Variants in SLCO1B1 observed in about 807,000 individuals in gnomAD.
The protein encoded by SLCO1B1 is solute carrier organic anion transporter family member 1B1.
In SLCO1B1, 81 loss-of-function variants were observed where a neutral mutation model predicts 70.1. The ratio of observed to expected loss-of-function variants is 1.16; its 90% CI spans 0.97 to 1.39. The LOEUF (loss-of-function observed/expected upper bound fraction) is 1.39, where lower values mean the gene tolerates loss of function less well. Among genes scored for constraint, SLCO1B1 ranks in the 40% most tolerant of loss-of-function variants. The pLI is 0.00. For missense variants in SLCO1B1, 895 were observed against 799.6 expected, an observed-to-expected ratio of 1.12 and a Z score of -1.44; for synonymous variants, 283 against 271.5, an observed-to-expected ratio of 1.04 and a Z score of -0.42.
chr12:21,228,812 G>A (rs1941504743), intron 14 of SLCO1B1, among the ~76,000 whole-genome samples: 1 of 152,012 alleles, frequency 6.6e-6, no homozygotes. Flanking sequence ...CAAGTATTAG[G>A]CTTCTAACTG....
intron 14 of SLCO1B1, among the ~76,000 whole-genome samples, chr12:21,228,009 AATATGCATAT>A (rs778030353): frequency 1.3e-5 from 2 of 152,082 alleles, no homozygotes; most frequent in African/African-American, 2.4e-5. Context: ...ATATATATTT[AATATGCATAT>A]ATATGCATAT....
intron 2 of SLCO1B1, among the ~76,000 whole-genome samples, chr12:21,172,092 G>A (rs58342504): frequency 0.087 from 13,187 of 152,190 alleles, 1,862 homozygotes; most frequent in African/African-American, 0.3. Context: ...ATAAATGTGA[G>A]CTGTAATAGA....
In SLCO1B1 at chr12:21,224,646, A is replaced by G. The variant is rs776198910; in HGVS notation, c.1748-76A>G. The G allele has an allele frequency of 3.7e-4, 333 of 909,628 alleles. 1 individual carries two copies. The highest frequency in any genetic ancestry group is 5.8e-4 in the Non-Finnish European group (316 of 548,890). 56.3% of individuals were successfully genotyped at this position (909,628 alleles called of 1,614,324 possible). On this transcript the variant is annotated intron_variant, in intron 13 of 14. Coordinates refer to ENST00000256958, the MANE Select transcript of SLCO1B1 (RefSeq NM_006446.5). ...TTTTGAACTTTTATTTAATCAAAAT[A>G]TATCAATGTGGAATATCATGCAGTT...
intron 10 of SLCO1B1, among the ~76,000 whole-genome samples, chr12:21,204,498 C>T (rs1325874188): frequency 6.8e-6 from 1 of 147,854 alleles, no homozygotes; most frequent in East Asian, 2.0e-4. Context: ...TGAAGGACTT[C>T]TGAGAACCAA....
At chr12:21,156,654 T>C (rs922000712) in intron 2 of SLCO1B1, among the ~76,000 whole-genome samples, 11 of 152,144 alleles carry the variant, frequency 7.2e-5, no homozygotes, top group African/African-American at 2.7e-4. Context: ...AGCAAAACAA[T>C]GTAGGTTTAT....
intron 11 of SLCO1B1, among the ~76,000 whole-genome samples, chr12:21,216,012 C>T (rs921822735): frequency 5.3e-5 from 8 of 152,006 alleles, no homozygotes; most frequent in Non-Finnish European, 7.4e-5. Context: ...TGCACACTAG[C>T]GAAGGCCTGA....
At chr12:21,192,599 C>T (rs978738775) in intron 7 of SLCO1B1, among the ~76,000 whole-genome samples, 2 of 150,962 alleles carry the variant, frequency 1.3e-5, no homozygotes, top group Non-Finnish European at 3.0e-5. Context: ...TTTATTTCTT[C>T]TCTAATCTTT....
chr12:21,137,877 T>A (rs1378114352), intron 1 of SLCO1B1, among the ~76,000 whole-genome samples: 2 of 152,210 alleles, frequency 1.3e-5, no homozygotes, highest in Non-Finnish European at 2.9e-5. Context: ...CCCAGTGAGA[T>A]GAACCCGGTA....
intron 13 of SLCO1B1, among the ~76,000 whole-genome samples, chr12:21,223,699 T>C (rs1941454958): frequency 6.6e-6 from 1 of 152,002 alleles, no homozygotes; most frequent in East Asian, 1.9e-4. Flanking sequence ...CACTATCATT[T>C]TATCCATGGC....
rs750234871 is a variant in SLCO1B1 at position 21,178,623 on chromosome 12, G to C, written c.529G>C (p.Gly177Arg). The C allele has an allele frequency of 6.2e-6, 10 of 1,608,214 alleles. No individual in the cohort carries two copies. In the South Asian group the frequency reaches 9.9e-5, roughly 16 times the overall value. Residue 177 changes from glycine to arginine, a missense_variant, in exon 6 of 15, where the codon GGT becomes CGT. By Grantham distance (125) the Gly-to-Arg change is moderately radical (BLOSUM62 -2). Coordinates refer to ENST00000256958, the MANE Select transcript of SLCO1B1 (RefSeq NM_006446.5). ...ATACATGTGGATATATGTGTTCATG[G>C]GTAATATGCTTCGTGGAATAGGGGA... ...GSYMWIYVFM[G>R]NMLRGIGETP...
intron 9 of SLCO1B1, among the ~76,000 whole-genome samples, chr12:21,201,526 C>T (rs759653026): frequency 1.1e-4 from 17 of 152,074 alleles, no homozygotes; most frequent in Middle Eastern, 3.4e-3. Context: ...GTATGTAGAG[C>T]GATTTGTCAG....
chr12:21,202,484 T>C lies in SLCO1B1; in HGVS notation c.1136-7T>C. Reference sequence around the variant, plus strand: ...TATGATTACAACTTTTTTTCTTTTTTTTCTAGGAGTCATAACCATACCTAT... The same window carrying C: ...TATGATTACAACTTTTTTTCTTTTTCTTCTAGGAGTCATAACCATACCTAT... On this transcript the variant is annotated splice_polypyrimidine_tract_variant and splice_region_variant and intron_variant, in intron 9 of 14. Coordinates refer to ENST00000256958, the MANE Select transcript of SLCO1B1 (RefSeq NM_006446.5). 1 of 1,578,844 alleles carries C rather than the reference T, an allele frequency of 6.3e-7. No homozygotes were observed. The highest frequency in any genetic ancestry group is 8.6e-7 in the Non-Finnish European group (1 of 1,160,610).
At position 21,239,587 on chromosome 12, in the gene SLCO1B1, A is replaced by C. The variant is rs530909538; in HGVS notation, c.*398A>C. On this transcript the variant is annotated 3_prime_UTR_variant, in exon 15 of 15. Transcript: ENST00000256958. ...AAGTAAAGAGAAATGCCTAGTGTCT[A>C]TTTTATTAAACAAACAAACACAGAG... Among the ~76,000 whole-genome samples the C allele has an allele frequency of 6.6e-6, 1 of 152,198 alleles. No individual in the cohort carries two copies. The highest frequency in any genetic ancestry group is 1.5e-5 in the Non-Finnish European group (1 of 68,012).
intron 1 of SLCO1B1, among the ~76,000 whole-genome samples, chr12:21,134,689 T>C (rs1229467989): frequency 6.6e-6 from 1 of 152,198 alleles, no homozygotes; most frequent in African/African-American, 2.4e-5. Flanking sequence ...ATCCTCTTTA[T>C]CATTTTTTAT....
chr12:21,159,229 T>C (rs146054086), intron 2 of SLCO1B1, among the ~76,000 whole-genome samples: 1,949 of 152,260 alleles, frequency 0.013, 34 homozygotes, highest in African/African-American at 0.044. Context: ...TTGAACAGTT[T>C]AGCATATTTT....
intron 7 of SLCO1B1, among the ~76,000 whole-genome samples, chr12:21,183,751 T>C (rs1292628112): frequency 1.3e-5 from 2 of 152,132 alleles, no homozygotes; most frequent in African/African-American, 2.4e-5. Flanking sequence ...CTTAACCACA[T>C]TGGAATGACT....
chr12:21,193,159 T>G (rs940340430), intron 7 of SLCO1B1, among the ~76,000 whole-genome samples: 2 of 152,306 alleles, frequency 1.3e-5, no homozygotes, highest in Admixed American at 6.5e-5. Context: ...TTGAAAAGAA[T>G]ATACATTCTG....
intron 2 of SLCO1B1, among the ~76,000 whole-genome samples, chr12:21,146,931 A>G (rs1004157749): frequency 3.3e-5 from 5 of 152,184 alleles, no homozygotes; most frequent in Non-Finnish European, 5.9e-5. Context: ...GATGTTTATT[A>G]TATCCAGTTA....
rs184965854 is a variant in SLCO1B1, at chr12:21,181,781, A to G, written c.727+2761A>G. 2.7e-3 allele frequency among the ~76,000 whole-genome samples: 409 copies of G among 152,258 alleles called. 1 individual carries two copies. The highest frequency in any genetic ancestry group is 9.0e-3 in the African/African-American group (376 of 41,558). On this transcript the variant is annotated intron_variant, in intron 7 of 14. Transcript: ENST00000256958. ...TCCACTTATGCACAGACTTTTTTCA[A>G]TAAATATATTGAAAAAATTTGGGGA... is the stretch of plus-strand genomic sequence containing the variant.
Sources: allele counts gnomAD v4.1 joint callset (sites outside exome capture counted in the v4.1 genomes callset), GRCh38; gene constraint gnomAD v4.1.1; transcripts MANE v1.5; gene names NCBI Gene and HGNC (gene_info 2026-07-23, HGNC 2026-07-21).